Variants in ABHD18 observed in about 807,000 individuals in gnomAD.
ABHD18 encodes cardiolipin-specific deacylase, mitochondrial.
A neutral mutation model predicts 65.9 loss-of-function variants in ABHD18; 55 were observed. The observed-to-expected ratio is 0.84, with a 90% CI of 0.67 to 1.05. ABHD18 has a LOEUF of 1.05. Ranked by LOEUF, ABHD18 falls within the 50% of genes least tolerant of loss-of-function variation. ABHD18 has a pLI of 0.00. For missense variants in ABHD18, 533 were observed against 558.5 expected (o/e 0.95, Z 0.46); for synonymous variants, 181 against 180.2 (o/e 1.00, Z -0.04).
chr4:127,996,152 G>C (rs1338840871), intron 4 of ABHD18, among the ~76,000 whole-genome samples: 1 of 152,206 alleles, frequency 6.6e-6, no homozygotes, highest in Non-Finnish European at 1.5e-5. Flanking sequence ...CCAGTATTTA[G>C]CTAAAATCTT....
intron 4 of ABHD18, among the ~76,000 whole-genome samples, chr4:127,994,413 T>C (rs1436162705): frequency 1.3e-5 from 2 of 152,078 alleles, no homozygotes; most frequent in African/African-American, 4.8e-5. Flanking sequence ...CTGGCCAACA[T>C]AGTGAAATCC....
At chr4:127,980,516 T>C (rs1364755044) in intron 1 of ABHD18, among the ~76,000 whole-genome samples, 1 of 151,888 alleles carries the variant, frequency 6.6e-6, no homozygotes, top group African/African-American at 2.4e-5. Context: ...ATGCCTGAAA[T>C]GCAAAATTAG....
At chr4:128,026,640 TC>T (rs1185881634) in intron 10 of ABHD18, among the ~76,000 whole-genome samples, 1 of 152,190 alleles carries the variant, frequency 6.6e-6, no homozygotes, top group African/African-American at 2.4e-5. Context: ...TGTCATTTTT[TC>T]TTTTGACTTT....
chr4:127,971,295 A>G (rs1266471940), intron 1 of ABHD18, among the ~76,000 whole-genome samples: 1 of 151,678 alleles, frequency 6.6e-6, no homozygotes, highest in African/African-American at 2.4e-5. Flanking sequence ...TTGCATTCCA[A>G]TGACATGCCA....
rs1036187345 is a variant in ABHD18, at chr4:128,039,013, T to G, written c.*3200T>G. On this transcript the variant is annotated 3_prime_UTR_variant, in exon 13 of 13. Transcript: ENST00000645843. ...AATCTATTCCCCCCAAAATGGTGGC[T>G]TAAGTGTTCTCAAATACATAAATAT... 1 of 150,816 alleles carries G rather than the reference T, an allele frequency of 6.6e-6. No homozygotes were observed. Among genetic ancestry groups the G allele is most frequent in the African/African-American group, 2.4e-5 (1 of 41,278 alleles). 9.3% of individuals were successfully genotyped at this position (150,816 alleles called of 1,614,324 possible). A position where few individuals can be genotyped will look rare whatever the true frequency, so the allele number is the denominator to read the frequency against.
At position 128,014,692 on chromosome 4, in the gene ABHD18, C is replaced by T. The variant is rs563225178; in HGVS notation, c.471-2671C>T. Among the ~76,000 whole-genome samples, 8 of 152,096 alleles carry T rather than the reference C, an allele frequency of 5.3e-5. No individual in the cohort carries two copies. In the South Asian group the frequency reaches 1.7e-3, roughly 32 times the overall value. Reference sequence around the variant, plus strand: ...CCTGTAATCCCAGCACTTTGGAAGGCTGAGATGGACAGATTGCATGAGTCC... The same window carrying T: ...CCTGTAATCCCAGCACTTTGGAAGGTTGAGATGGACAGATTGCATGAGTCC... On this transcript the variant is annotated intron_variant, in intron 7 of 12. Coordinates refer to ENST00000645843, the MANE Select transcript of ABHD18 (RefSeq NM_001358451.3).
At position 128,026,332 on chromosome 4, in the gene ABHD18, G is replaced by A. The variant is rs1306040363; in HGVS notation, c.802-2143G>A. On this transcript the variant is annotated intron_variant, in intron 10 of 12. Coordinates refer to ENST00000645843, the MANE Select transcript of ABHD18 (RefSeq NM_001358451.3). ...AAATTAGCCAGGCATGGTGGCATGC[G>A]CCTGTAGTCCCAGCTACTCAGGAGG... 5.3e-5 allele frequency among the ~76,000 whole-genome samples: 8 copies of A among 151,580 alleles called. No homozygotes were observed. In the East Asian group the frequency reaches 5.8e-4, roughly 11 times the overall value.
chr4:127,993,792 G>T (rs1560857295), intron 4 of ABHD18, among the ~76,000 whole-genome samples: 1 of 152,004 alleles, frequency 6.6e-6, no homozygotes, highest in East Asian at 1.9e-4. Context: ...AAGTTGCATT[G>T]TTTTTCACTA....
intron 3 of ABHD18, among the ~76,000 whole-genome samples, chr4:127,984,983 G>T (rs919302217): frequency 1.3e-5 from 2 of 152,292 alleles, no homozygotes; most frequent in African/African-American, 2.4e-5. Flanking sequence ...AAGTATTTAG[G>T]CTGGATATTT....
chr4:128,014,909 C>T (rs932438200), intron 7 of ABHD18, among the ~76,000 whole-genome samples: 3 of 152,000 alleles, frequency 2.0e-5, no homozygotes, highest in Non-Finnish European at 4.4e-5. Flanking sequence ...AAAACCCTGT[C>T]TCTACTAAAA....
intron 3 of ABHD18, among the ~76,000 whole-genome samples, chr4:127,984,862 AAAAT>A (rs555401402): frequency 6.6e-6 from 1 of 152,330 alleles, no homozygotes; most frequent in Non-Finnish European, 1.5e-5. Flanking sequence ...CTCCGTCTCA[AAAAT>A]AAATAAATAA....
chr4:128,037,858 T>G lies in ABHD18; in HGVS notation c.*2045T>G, dbSNP rs1211638371. Reference sequence around the variant, plus strand: ...CTCTCTTAAATGGGGTTTATATGGCTCGATTTGGTGCTTTCTTTTTATGTT... The same window carrying G: ...CTCTCTTAAATGGGGTTTATATGGCGCGATTTGGTGCTTTCTTTTTATGTT... On this transcript the variant is annotated 3_prime_UTR_variant, in exon 13 of 13. Transcript: ENST00000645843. 1.3e-5 allele frequency: 2 copies of G among 150,244 alleles called. No homozygotes were observed. Among genetic ancestry groups the G allele is most frequent in the Admixed American group, 6.8e-5 (1 of 14,762 alleles). The allele number at this position is 150,244 out of a possible 1,614,324, so 9.3% of individuals were successfully genotyped here.
At chr4:128,021,705 C>G (rs1756528362) in intron 10 of ABHD18, among the ~76,000 whole-genome samples, 1 of 152,058 alleles carries the variant, frequency 6.6e-6, no homozygotes, top group African/African-American at 2.4e-5. Context: ...TACAGAGAAT[C>G]ATGCAAAGCA....
intron 1 of ABHD18, among the ~76,000 whole-genome samples, chr4:127,972,332 A>G (rs1019795147): frequency 2.6e-5 from 4 of 152,050 alleles, no homozygotes; most frequent in Admixed American, 6.6e-5. Context: ...CTCACTTTCC[A>G]GCTCCCTTCC....
At chr4:127,999,438 T>A (rs1446002932) in intron 4 of ABHD18, among the ~76,000 whole-genome samples, 1 of 152,176 alleles carries the variant, frequency 6.6e-6, no homozygotes, top group African/African-American at 2.4e-5. Flanking sequence ...GACAACATAT[T>A]AGCTAAAGCA....
intron 7 of ABHD18, among the ~76,000 whole-genome samples, chr4:128,017,086 T>C (rs1376716223): frequency 6.6e-6 from 1 of 152,064 alleles, no homozygotes; most frequent in Non-Finnish European, 1.5e-5. Context: ...CCCTGCTAAT[T>C]TTTGTATTTT....
At chr4:128,012,741 G>C (rs544405034) in intron 7 of ABHD18, among the ~76,000 whole-genome samples, 1 of 152,142 alleles carries the variant, frequency 6.6e-6, no homozygotes, top group African/African-American at 2.4e-5. Context: ...GTAAGCGTCA[G>C]GAGGGGAGAG....
intron 4 of ABHD18, among the ~76,000 whole-genome samples, chr4:127,995,740 C>T (rs1411397853): frequency 2.0e-5 from 3 of 151,890 alleles, no homozygotes. Flanking sequence ...TAATATTATA[C>T]TCTGCTTTTT....
At chr4:127,971,130 T>C (rs1746693499) in intron 1 of ABHD18, among the ~76,000 whole-genome samples, 1 of 151,068 alleles carries the variant, frequency 6.6e-6, no homozygotes, top group South Asian at 2.1e-4. Flanking sequence ...CCTGTGTGCC[T>C]GTGGTCCCAG....
Sources: allele counts gnomAD v4.1 joint callset (sites outside exome capture counted in the v4.1 genomes callset), GRCh38; gene constraint gnomAD v4.1.1; transcripts MANE v1.5; gene names NCBI Gene and HGNC (gene_info 2026-07-23, HGNC 2026-07-21).